FAM13B: variants seen among roughly 807,000 people sequenced by gnomAD.
FAM13B encodes family with sequence similarity 13 member B.
FAM13B carries 60 observed loss-of-function variants against 117.3 expected under a neutral mutation model. The observed-to-expected ratio is 0.51, with a 90% CI of 0.42 to 0.63. FAM13B has a LOEUF of 0.63. FAM13B is among the 30% of genes least tolerant of loss of function. The pLI, the probability that FAM13B is intolerant of heterozygous loss-of-function variation, is 0.00. For synonymous variants in FAM13B, 332 were observed against 356.1 expected, an observed-to-expected ratio of 0.93 and a Z score of 0.76; for missense variants, 972 against 1,091.9, an observed-to-expected ratio of 0.89 and a Z score of 1.55.
chr5:137,964,488 A>G (rs1190335576), intron 10 of FAM13B, among the ~76,000 whole-genome samples: 26 of 151,064 alleles, frequency 1.7e-4, no homozygotes, highest in Non-Finnish European at 3.0e-5. Context: ...TGGGAGGCTG[A>G]GGCGAGCAAA....
intron 7 of FAM13B, among the ~76,000 whole-genome samples, chr5:137,993,746 G>A (rs1054454418): frequency 1.3e-5 from 2 of 151,806 alleles, no homozygotes; most frequent in East Asian, 1.9e-4. Flanking sequence ...GAGATCCCAC[G>A]ACTGCACTCC....
At chr5:138,016,073 T>C (rs1785192735) in intron 4 of FAM13B, among the ~76,000 whole-genome samples, 1 of 152,212 alleles carries the variant, frequency 6.6e-6, no homozygotes, top group African/African-American at 2.4e-5. Flanking sequence ...AATGTTAGCA[T>C]AAGAATAAGT....
intron 10 of FAM13B, among the ~76,000 whole-genome samples, chr5:137,969,551 A>G (rs376169975): frequency 2.0e-5 from 3 of 152,202 alleles, no homozygotes; most frequent in Non-Finnish European, 2.9e-5. Flanking sequence ...AAAGCAGAGC[A>G]CCTCTCCTCC....
rs1046715637 is a variant in FAM13B, at chr5:138,033,058, G to C, written c.-479C>G. Reference sequence around the variant, plus strand: ...GGCTGAGGTGCAGAGCCTCCCTAACGGCGAGCGGGAGGAGAGCGGCTGGCG... The same window carrying C: ...GGCTGAGGTGCAGAGCCTCCCTAACCGCGAGCGGGAGGAGAGCGGCTGGCG... On this transcript the variant is annotated 5_prime_UTR_variant, in exon 1 of 24. Coordinates refer to ENST00000689681, the MANE Select transcript of FAM13B (RefSeq NM_001385994.1). 7 of 986,656 alleles carry C rather than the reference G, an allele frequency of 7.1e-6. No homozygotes were observed. Among genetic ancestry groups the C allele is most frequent in the Non-Finnish European group, 7.2e-6 (6 of 830,998 alleles). 61.1% of individuals were successfully genotyped at this position (986,656 alleles called of 1,614,324 possible). A position where few individuals can be genotyped will look rare whatever the true frequency, so the allele number is the denominator to read the frequency against.
chr5:137,943,023 C>A lies in FAM13B; in HGVS notation c.2440G>T (p.Gly814Cys). The change falls in exon 22 of 24, where the codon GGT becomes TGT. Residue 814 changes from glycine (G) to cysteine (C), a missense_variant. By Grantham distance (159) the Gly-to-Cys change is radical. Coordinates refer to ENST00000689681, the MANE Select transcript of FAM13B (RefSeq NM_001385994.1). ...FEEIKEEEEDGVNLSSELGDM... is the reference protein window; with the variant it reads ...FEEIKEEEEDCVNLSSELGDM... ...CCTAACTCAGAGGACAGATTAACAC[C>A]ATCTTCTTCTTCCTCCTAAAAAGAT... 6.2e-7 allele frequency: 1 copy of A among 1,612,830 alleles called. No individual in the cohort carries two copies. The highest frequency in any genetic ancestry group is 8.5e-7 in the Non-Finnish European group (1 of 1,179,584).
intron 6 of FAM13B, among the ~76,000 whole-genome samples, chr5:138,007,864 AAAG>A (rs1455021844): frequency 3.3e-5 from 5 of 152,254 alleles, no homozygotes; most frequent in Non-Finnish European, 5.9e-5. Context: ...AAGTTATCCC[AAAG>A]AAGAAACTAT....
chr5:138,011,441 T>A (rs1271303387), intron 5 of FAM13B, among the ~76,000 whole-genome samples: 1 of 151,816 alleles, frequency 6.6e-6, no homozygotes, highest in South Asian at 2.1e-4. Context: ...TTTTATGAGA[T>A]GGAGTCTCGC....
At chr5:137,989,953 G>A (rs1778189844) in intron 7 of FAM13B, among the ~76,000 whole-genome samples, 1 of 152,154 alleles carries the variant, frequency 6.6e-6, no homozygotes, top group South Asian at 2.1e-4. Context: ...TTTATTTCTA[G>A]CGGTTTCCTG....
At chr5:138,008,317 T>C (rs1783049785) in intron 6 of FAM13B, among the ~76,000 whole-genome samples, 1 of 152,052 alleles carries the variant, frequency 6.6e-6, no homozygotes, top group Non-Finnish European at 1.5e-5. Context: ...TGGCATGTGC[T>C]TGTAGTCCCA....
intron 23 of FAM13B, 54 bp from the exon 24 acceptor site, chr5:137,940,402 T>C: frequency 7.4e-7 from 1 of 1,356,742 alleles, no homozygotes; most frequent in Non-Finnish European, 1.0e-6. Flanking sequence ...GAAAAAAAGA[T>C]CCAAAAGTTG....
intron 1 of FAM13B, among the ~76,000 whole-genome samples, chr5:138,029,452 T>C (rs760553724): frequency 3.3e-5 from 5 of 152,236 alleles, no homozygotes; most frequent in Non-Finnish European, 7.3e-5. Flanking sequence ...GAAATACTAC[T>C]AGAATATTTC....
chr5:138,000,707 G>A (rs1279136780), intron 7 of FAM13B, among the ~76,000 whole-genome samples: 2 of 152,134 alleles, frequency 1.3e-5, no homozygotes, highest in African/African-American at 4.8e-5. Flanking sequence ...GAAGTAGGCA[G>A]ATCACTTGAA....
chr5:137,947,970 G>T (rs1258112430), intron 18 of FAM13B, among the ~76,000 whole-genome samples: 2 of 152,112 alleles, frequency 1.3e-5, no homozygotes, highest in African/African-American at 2.4e-5. Context: ...GGGAAAGAAA[G>T]ACTCCAATAT....
chr5:137,993,007 G>A (rs78026294), intron 7 of FAM13B, among the ~76,000 whole-genome samples: 1 of 124,324 alleles, frequency 8.0e-6, no homozygotes, highest in Non-Finnish European at 1.8e-5. Context: ...ACTTTACAAC[G>A]ATATGAGCCA....
At chr5:138,037,081 CT>C (rs34857004), upstream of FAM13B, 166,862 of 169,848 alleles carry the variant, frequency 0.98, 82,040 homozygotes, top group Middle Eastern at 1. Context: ...ACTTTTTCTT[CT>C]TTTTTTCCTA....
At chr5:137,968,590 T>C (rs1304084408) in intron 10 of FAM13B, among the ~76,000 whole-genome samples, 2 of 151,750 alleles carry the variant, frequency 1.3e-5, no homozygotes, top group South Asian at 2.1e-4. Flanking sequence ...TAAAAAGCAA[T>C]TTGTGGGGGG....
At chr5:137,990,797 AT>A (rs989367241) in intron 7 of FAM13B, among the ~76,000 whole-genome samples, 18 of 152,168 alleles carry the variant, frequency 1.2e-4, no homozygotes, top group African/African-American at 3.9e-4. Context: ...CTCAAAAAAA[AT>A]AAACAAATAA....
intron 18 of FAM13B, chr5:137,946,529 C>A: frequency 2.2e-6 from 1 of 451,410 alleles, no homozygotes; most frequent in Non-Finnish European, 3.9e-6. Context: ...TAGGTACCAA[C>A]CCCTTTGATG....
At chr5:138,036,701 G>C, upstream of FAM13B, 2 of 396,698 alleles carry the variant, frequency 5.0e-6, no homozygotes, top group South Asian at 1.9e-5. Flanking sequence ...GAAATTTCTA[G>C]AGGGGGTCTA....
Sources: allele counts gnomAD v4.1 joint callset (sites outside exome capture counted in the v4.1 genomes callset), GRCh38; gene constraint gnomAD v4.1.1; transcripts MANE v1.5; gene names NCBI Gene and HGNC (gene_info 2026-07-23, HGNC 2026-07-21).